The following ATP10B variants were observed in gnomAD, a reference collection of about 807,000 sequenced individuals.
The protein encoded by ATP10B is ATPase phospholipid transporting 10B (putative).
ATP10B carries 122 observed loss-of-function variants against 141.2 expected under a neutral mutation model. The observed-to-expected ratio is 0.86, with a 90% CI of 0.75 to 1.00. The LOEUF is 1.00. ATP10B is among the 50% of genes least tolerant of loss of function. The probability of loss-of-function intolerance (pLI) is 0.00; values close to 1 mark genes in which losing one functional copy is unlikely to be tolerated. For missense variants in ATP10B, 1,876 were observed against 1,825.3 expected, an observed-to-expected ratio of 1.03 and a Z score of -0.51; for synonymous variants, 685 against 692.0, an observed-to-expected ratio of 0.99 and a Z score of 0.16.
At chr5:160,744,030 T>C (rs1373947975) in intron 2 of ATP10B, among the ~76,000 whole-genome samples, 3 of 152,176 alleles carry the variant, frequency 2.0e-5, no homozygotes, top group African/African-American at 4.8e-5. Flanking sequence ...AAGCTTGGTA[T>C]TTAAGTTCCA....
upstream of ATP10B, among the ~76,000 whole-genome samples, chr5:160,854,677 A>G (rs114488716): frequency 0.043 from 6,540 of 152,172 alleles, 215 homozygotes; most frequent in Non-Finnish European, 0.065. Flanking sequence ...TAGGGTATAT[A>G]CCCAGTAATG....
the ATP10B span, among the ~76,000 whole-genome samples, chr5:160,873,869 GGCTCGGAGGGTCCTACA>G: frequency 6.6e-6 from 1 of 152,196 alleles, no homozygotes. Context: ...TCCCACACCT[GGCTCGGAGGGTCCTACA>G]CCCACGGAGT....
intron 2 of ATP10B, among the ~76,000 whole-genome samples, chr5:160,761,812 T>C (rs1453483519): frequency 2.7e-5 from 4 of 145,956 alleles, no homozygotes; most frequent in Non-Finnish European, 6.1e-5. Flanking sequence ...AAAGGTGAAG[T>C]CCAACTTTAA....
In ATP10B at chr5:160,755,839, ATATATAT is replaced by A. The variant is rs1313885790; in HGVS notation, c.-331+29713_-331+29719del. ...CAAAAAAAAAAAAAAAAAAAAAAAA[ATATATAT>A]ATATATATATATATATATATATATA... On this transcript the variant is annotated intron_variant, in intron 2 of 25. Transcript: ENST00000327245. Among the ~76,000 whole-genome samples, 100 of 31,252 alleles carry A rather than the reference ATATATAT, an allele frequency of 3.2e-3. 3 individuals are homozygous for A. The highest frequency in any genetic ancestry group is 4.8e-3 in the Non-Finnish European group (85 of 17,858). The allele number at this position is 31,252 out of a possible 152,430, so 20.5% of individuals were successfully genotyped here.
intron 3 of ATP10B, among the ~76,000 whole-genome samples, chr5:160,701,892 G>C (rs1764705404): frequency 6.6e-6 from 1 of 151,024 alleles, no homozygotes; most frequent in South Asian, 2.1e-4. Context: ...CCTGGGAGCA[G>C]TCATCATTCT....
In ATP10B at chr5:160,670,444, A is replaced by T; in HGVS notation, c.675+19T>A. 1 of 1,612,818 alleles carries T rather than the reference A, an allele frequency of 6.2e-7. No homozygotes were observed. Among genetic ancestry groups the T allele is most frequent in the Non-Finnish European group, 8.5e-7 (1 of 1,179,056 alleles). ...CCTTTCTATGACTTTACCATTGAAG[A>T]TATTAGAAAGAGCCCTACCTGCTGT... is the stretch of plus-strand genomic sequence containing the variant. On this transcript the variant is annotated intron_variant, in intron 7 of 25. Transcript: ENST00000327245.
intron 1 of ATP10B, among the ~76,000 whole-genome samples, chr5:160,846,747 T>C (rs1776146451): frequency 6.6e-6 from 1 of 152,178 alleles, no homozygotes; most frequent in African/African-American, 2.4e-5. Context: ...CTGATAACAA[T>C]GTCAAGTGTT....
chr5:160,766,534 C>G (rs10476333), intron 2 of ATP10B, among the ~76,000 whole-genome samples: 77 of 152,146 alleles, frequency 5.1e-4, no homozygotes, highest in African/African-American at 1.8e-3. Context: ...TAAGTGGGAA[C>G]TAAGCTATGA....
rs1754506892 is a variant in ATP10B, at chr5:160,565,878, C to T, written c.3961G>A (p.Gly1321Arg). Reference sequence around the variant, plus strand: ...GAGATTAGAGACTTCCCACAAGTTCCTTGCAGAGACAGGAAAAAGTATCTG... The same window carrying T: ...GAGATTAGAGACTTCCCACAAGTTCTTTGCAGAGACAGGAAAAAGTATCTG... ...LPRYFFLSLQ[G>R]TCGKSLISKA... Residue 1321 changes from glycine (G) to arginine (R), a missense_variant, in exon 26 of 26, where the codon GGA (glycine) becomes AGA (arginine). Coordinates refer to ENST00000327245, the MANE Select transcript of ATP10B (RefSeq NM_025153.3). 1 of 1,610,362 alleles carries T rather than the reference C, an allele frequency of 6.2e-7. No individual in the cohort carries two copies. The highest frequency in any genetic ancestry group is 8.5e-7 in the Non-Finnish European group (1 of 1,178,994).
At chr5:160,786,621 A>G (rs1237548067) in intron 1 of ATP10B, among the ~76,000 whole-genome samples, 1 of 152,160 alleles carries the variant, frequency 6.6e-6, no homozygotes, top group Non-Finnish European at 1.5e-5. Context: ...ATTACAGGAA[A>G]GAGTTGACAC....
chr5:160,600,011 C>A (rs575402859), intron 21 of ATP10B, among the ~76,000 whole-genome samples: 1 of 152,138 alleles, frequency 6.6e-6, no homozygotes, highest in Admixed American at 6.5e-5. Context: ...TAACATATTG[C>A]CACTAGTAGT....
chr5:160,723,383 C>G (rs1003928030), intron 2 of ATP10B, among the ~76,000 whole-genome samples: 2 of 152,140 alleles, frequency 1.3e-5, no homozygotes, highest in African/African-American at 4.8e-5. Context: ...AAGGAATACA[C>G]AGGGAGAAGA....
chr5:160,658,573 T>C (rs1761666684), intron 7 of ATP10B, among the ~76,000 whole-genome samples: 1 of 152,246 alleles, frequency 6.6e-6, no homozygotes, highest in African/African-American at 2.4e-5. Context: ...CAGAGTCCTT[T>C]GTTTCTGGCC....
intron 23 of ATP10B, among the ~76,000 whole-genome samples, chr5:160,590,574 T>C (rs1205712600): frequency 6.6e-6 from 1 of 152,150 alleles, no homozygotes; most frequent in Non-Finnish European, 1.5e-5. Flanking sequence ...TTTTTTCAGA[T>C]AATGTAGTAT....
intron 8 of ATP10B, among the ~76,000 whole-genome samples, chr5:160,647,338 A>G (rs113455514): frequency 0.05 from 7,637 of 152,178 alleles, 275 homozygotes; most frequent in African/African-American, 0.11. Context: ...TACAGCAAGG[A>G]TGTAGGAGCA....
At chr5:160,601,318 G>A (rs928915140) in intron 21 of ATP10B, among the ~76,000 whole-genome samples, 2 of 152,202 alleles carry the variant, frequency 1.3e-5, no homozygotes, top group African/African-American at 4.8e-5. Flanking sequence ...TTGCAATTTT[G>A]TAGCTACTAC....
intron 24 of ATP10B, among the ~76,000 whole-genome samples, chr5:160,580,006 T>C (rs1440993955): frequency 6.6e-6 from 1 of 152,196 alleles, no homozygotes; most frequent in Non-Finnish European, 1.5e-5. Context: ...TTTTTGTACA[T>C]TGATTTTGTA....
intron 15 of ATP10B, among the ~76,000 whole-genome samples, 162 bp from the exon 16 acceptor site, chr5:160,618,135 T>C (rs1359422048): frequency 6.6e-6 from 1 of 152,212 alleles, no homozygotes; most frequent in Non-Finnish European, 1.5e-5. Flanking sequence ...GCTGTCAGGT[T>C]GCCCTGGAAG....
chr5:160,767,039 C>T (rs1029294663), intron 2 of ATP10B, among the ~76,000 whole-genome samples: 1 of 151,364 alleles, frequency 6.6e-6, no homozygotes. Context: ...TTGGCTTCGC[C>T]GGGCCACAAT....
Sources: gnomAD v4.1 joint callset for allele counts (sites outside exome capture counted in the v4.1 genomes callset) on GRCh38, gnomAD v4.1.1 for gene constraint, MANE v1.5 for transcripts, NCBI Gene and HGNC (gene_info 2026-07-23, HGNC 2026-07-21) for gene names.